TMEM179: variants seen among roughly 807,000 people sequenced by gnomAD.
TMEM179 encodes transmembrane protein 179.
TMEM179 carries 17 observed loss-of-function variants against 22.2 expected under a neutral mutation model. The observed-to-expected ratio is 0.77, with a 90% confidence interval of 0.52 to 1.15. TMEM179 has a LOEUF of 1.15. Among genes scored for constraint, TMEM179 ranks in the 50% most tolerant of loss-of-function variants. TMEM179 has a pLI of 0.00. For synonymous variants in TMEM179, 127 were observed against 140.5 expected (o/e 0.90, Z 0.68); for missense variants, 265 against 313.6 (o/e 0.84, Z 1.17).
At chr14:104,594,716 C>T in intron 3 of TMEM179, 2 of 1,165,076 alleles carry the variant, frequency 1.7e-6, no homozygotes, top group South Asian at 8.7e-5. Flanking sequence ...CTGCCTCCTT[C>T]CTTGGACTCT....
chr14:104,604,483 C>A lies in TMEM179; in HGVS notation c.259G>T (p.Ala87Ser), dbSNP rs1887352452. Residue 87 changes from alanine (A) to serine (S), a missense_variant, in exon 1 of 4, where the codon GCG becomes TCG. Ala to Ser is a moderately conservative substitution (Grantham distance 99, BLOSUM62 1). Transcript: ENST00000556573. The surrounding 1 kb of genome is among the most constrained non-coding windows in gnomAD (Gnocchi z 4.6). ...AAGAAGAGCGTGCGCCAGGCGTGCG[C>A]GGCGGCCAGCAGCAGAGACAGGAGG... ...ASLLSLLLAAAHAWRTLFFLC... is the reference protein window; with the variant it reads ...ASLLSLLLAASHAWRTLFFLC... 2 of 1,580,672 alleles carry A rather than the reference C, an allele frequency of 1.3e-6. No individual in the cohort carries two copies. Among genetic ancestry groups the A allele is most frequent in the Admixed American group, 1.8e-5 (1 of 56,406 alleles).
chr14:104,602,602 T>C (rs552535712), intron 1 of TMEM179, among the ~76,000 whole-genome samples: 1 of 152,262 alleles, frequency 6.6e-6, no homozygotes, highest in Admixed American at 6.5e-5. Context: ...AACTCTTGGG[T>C]TTGGCAACAT....
intron 1 of TMEM179, among the ~76,000 whole-genome samples, chr14:104,601,130 T>G (rs971050568): frequency 2.6e-5 from 4 of 152,184 alleles, no homozygotes; most frequent in South Asian, 2.1e-4. Context: ...GCTCACCTAG[T>G]CTATGCAGCT....
chr14:104,600,604 A>G (rs117996852), intron 1 of TMEM179, among the ~76,000 whole-genome samples: 3,360 of 152,262 alleles, frequency 0.022, 48 homozygotes, highest in Non-Finnish European at 0.034. Flanking sequence ...TCATTCATTC[A>G]TTCATTTACT....
At chr14:104,600,698 T>C (rs1379488416) in intron 1 of TMEM179, among the ~76,000 whole-genome samples, 1 of 152,210 alleles carries the variant, frequency 6.6e-6, no homozygotes, top group African/African-American at 2.4e-5. Flanking sequence ...TGCAAAAAGC[T>C]ACCCCCAGAC....
Position 104,604,369 on chromosome 14 carries a change from C to CG in TMEM179, c.305+67dup. ...AGACGGAGGGACTCGCGCGCCTCCC[C>CG]GGGGAGGTGGGTCTGGGGGCGCTGG... On this transcript the variant is annotated intron_variant, in intron 1 of 3. Coordinates refer to ENST00000556573, the MANE Select transcript of TMEM179 (RefSeq NM_001286389.2). This position sits in a 1 kb window ranked among gnomAD's most constrained non-coding sequence, Gnocchi z 4.6. 1 of 1,407,864 alleles carries CG rather than the reference C, an allele frequency of 7.1e-7. No individual in the cohort carries two copies. The highest frequency in any genetic ancestry group is 9.2e-7 in the Non-Finnish European group (1 of 1,085,584). The allele number at this position is 1,407,864 out of a possible 1,614,324, so 87.2% of individuals were successfully genotyped here.
intron 1 of TMEM179, among the ~76,000 whole-genome samples, chr14:104,602,900 CTTTG>C (rs1887287600): frequency 6.6e-6 from 1 of 152,218 alleles, no homozygotes; most frequent in Non-Finnish European, 1.5e-5. Context: ...GTGACTGTGA[CTTTG>C]TTTGGAAATA....
chr14:104,591,530 C>CCAGCTGGAAACT lies in TMEM179; in HGVS notation c.*1937_*1948dup, dbSNP rs1886845744. 1 of 397,404 alleles carries CCAGCTGGAAACT rather than the reference C, an allele frequency of 2.5e-6. No individual in the cohort carries two copies. Among genetic ancestry groups the CCAGCTGGAAACT allele is most frequent in the Non-Finnish European group, 5.0e-6 (1 of 199,558 alleles). The allele number at this position is 397,404 out of a possible 1,614,324, so 24.6% of individuals were successfully genotyped here. A position where few individuals can be genotyped will look rare whatever the true frequency, so the allele number is the denominator to read the frequency against. On this transcript the variant is annotated 3_prime_UTR_variant, in exon 4 of 4. Coordinates refer to ENST00000556573, the MANE Select transcript of TMEM179 (RefSeq NM_001286389.2). ...ACCCCTTCCCTCGAGGACCTGGCTG[C>CCAGCTGGAAACT]CAGCTGGAAACTCAGCTGGTCCCCA...
In TMEM179 at chr14:104,591,655, C is replaced by A. The variant is rs546143417; in HGVS notation, c.*1824G>T. Reference sequence around the variant, plus strand: ...TCACTCCCGGGACCCAGGATGATGCCCCCACCAGGACCCTCCATGTGGACC... The same window carrying A: ...TCACTCCCGGGACCCAGGATGATGCACCCACCAGGACCCTCCATGTGGACC... On this transcript the variant is annotated 3_prime_UTR_variant, in exon 4 of 4. Transcript: ENST00000556573. 4.1e-4 allele frequency: 140 copies of A among 341,196 alleles called. No homozygotes were observed. The East Asian group carries it at 5.8e-3, about 14-fold the overall frequency. 21.1% of individuals were successfully genotyped at this position (341,196 alleles called of 1,614,324 possible).
chr14:104,597,730 T>C lies in TMEM179; in HGVS notation c.306-603A>G, dbSNP rs117999220. On this transcript the variant is annotated intron_variant, in intron 1 of 3. Coordinates refer to ENST00000556573, the MANE Select transcript of TMEM179 (RefSeq NM_001286389.2). The surrounding 1 kb of genome is among the most constrained non-coding windows in gnomAD (Gnocchi z 4.8). ...CAGCCTGGATCGCAGACCTCTAGCC[T>C]CCGGAAGTGTGAGCAGTAAATGCCT... Among the ~76,000 whole-genome samples, 1,692 of 152,154 alleles carry C rather than the reference T, an allele frequency of 0.011. 29 individuals carry two copies. Among genetic ancestry groups the C allele is most frequent in the Admixed American group, 0.044 (675 of 15,284 alleles).
chr14:104,599,520 T>C (rs956237017), intron 1 of TMEM179, among the ~76,000 whole-genome samples: 3 of 152,160 alleles, frequency 2.0e-5, no homozygotes, highest in Admixed American at 6.5e-5. Context: ...GGGTGAGCCA[T>C]CTGCTGCTGC....
chr14:104,603,312 C>A (rs928055822), intron 1 of TMEM179, among the ~76,000 whole-genome samples: 1 of 152,044 alleles, frequency 6.6e-6, no homozygotes, highest in African/African-American at 2.4e-5. Context: ...CGCCCACACC[C>A]CTCTGAGCCC....
At chr14:104,594,810 C>T (rs1010355068) in intron 3 of TMEM179, 1 of 1,240,680 alleles carries the variant, frequency 8.1e-7, no homozygotes, top group African/African-American at 1.5e-5. Flanking sequence ...GCACCAAAGT[C>T]CAAAGCCCTT....
rs556020517 is a variant in TMEM179 at position 104,604,007 on chromosome 14, T to C, written c.305+430A>G. ...CCTTTCCCGGGGCGATGGTGCCGGG[T>C]GGGGCTCCCCAGTTCGCCTTGTCAC... is the stretch of plus-strand genomic sequence containing the variant. On this transcript the variant is annotated intron_variant, in intron 1 of 3. Coordinates refer to ENST00000556573, the MANE Select transcript of TMEM179 (RefSeq NM_001286389.2). The surrounding 1 kb of genome is among the most constrained non-coding windows in gnomAD (Gnocchi z 4.6). 3.3e-5 allele frequency among the ~76,000 whole-genome samples: 5 copies of C among 152,014 alleles called. No homozygotes were observed. The South Asian group carries it at 1.0e-3, about 32-fold the overall frequency.
chr14:104,597,036 T>C lies in TMEM179; in HGVS notation c.397A>G (p.Thr133Ala), dbSNP rs763351017. 1.2e-6 allele frequency: 2 copies of C among 1,610,014 alleles called. No homozygotes were observed. Among genetic ancestry groups the C allele is most frequent in the South Asian group, 2.2e-5 (2 of 90,334 alleles). Residue 133 changes from threonine to alanine, a missense_variant, in exon 2 of 4, where the codon ACC becomes GCC. Transcript: ENST00000556573. The surrounding 1 kb of genome is among the most constrained non-coding windows in gnomAD (Gnocchi z 4.8). ...TCGGTGATGGTGTCGCACCACATGGTGAAGCCCACGCTCACGATGGTGCTG... is the reference window on the plus strand; with the variant it reads ...TCGGTGATGGTGTCGCACCACATGGCGAAGCCCACGCTCACGATGGTGCTG... ...IASTIVSVGF[T>A]MWCDTITEKG...
rs1348686863 is a variant in TMEM179, at chr14:104,598,486, T to C, written c.306-1359A>G. On this transcript the variant is annotated intron_variant, in intron 1 of 3. Coordinates refer to ENST00000556573, the MANE Select transcript of TMEM179 (RefSeq NM_001286389.2). ...ACATCAACGCTACCGTCATCCGAAC[T>C]CGGCAGCTGCTGATGAGGCAAAGTG... Among the ~76,000 whole-genome samples the C allele has an allele frequency of 2.0e-5, 3 of 152,382 alleles. No individual in the cohort carries two copies. In the East Asian group the frequency reaches 5.8e-4, roughly 29 times the overall value.
chr14:104,603,532 G>A (rs1196758062), intron 1 of TMEM179, among the ~76,000 whole-genome samples: 2 of 147,190 alleles, frequency 1.4e-5, no homozygotes, highest in Non-Finnish European at 3.0e-5. Context: ...TTCACAGAGG[G>A]AGTGGGTGGG....
At position 104,597,950 on chromosome 14, in the gene TMEM179, TGAGG is replaced by T. The variant is rs1887095493; in HGVS notation, c.306-827_306-824del. Among the ~76,000 whole-genome samples the T allele has an allele frequency of 6.6e-6, 1 of 152,168 alleles. No homozygotes were observed. Among genetic ancestry groups the T allele is most frequent in the Non-Finnish European group, 1.5e-5 (1 of 68,016 alleles). On this transcript the variant is annotated intron_variant, in intron 1 of 3. Coordinates refer to ENST00000556573, the MANE Select transcript of TMEM179 (RefSeq NM_001286389.2). The surrounding 1 kb of genome is among the most constrained non-coding windows in gnomAD (Gnocchi z 4.8). ...ATGGGGAGCGCAGGAGGCAGGGCCA[TGAGG>T]AAGGAGCTCACTTAGGGCTGGGCCA...
In TMEM179 at chr14:104,604,388, G is replaced by A. The variant is rs781418876; in HGVS notation, c.305+49C>T. 2.9e-5 allele frequency: 42 copies of A among 1,441,284 alleles called. No individual in the cohort carries two copies. In the Admixed American group the frequency reaches 3.5e-4, roughly 12 times the overall value. The allele number at this position is 1,441,284 out of a possible 1,614,324, so 89.3% of individuals were successfully genotyped here. ...CCTCCCCGGGGAGGTGGGTCTGGGGGCGCTGGGGGCATGGAAGGGGCGCCG... is the reference window on the plus strand; with the variant it reads ...CCTCCCCGGGGAGGTGGGTCTGGGGACGCTGGGGGCATGGAAGGGGCGCCG... On this transcript the variant is annotated intron_variant, in intron 1 of 3. Coordinates refer to ENST00000556573, the MANE Select transcript of TMEM179 (RefSeq NM_001286389.2). The surrounding 1 kb of genome is among the most constrained non-coding windows in gnomAD (Gnocchi z 4.6).
Sources: allele counts gnomAD v4.1 joint callset (sites outside exome capture counted in the v4.1 genomes callset), GRCh38; gene constraint gnomAD v4.1.1; non-coding constraint Gnocchi (gnomAD v3.1); transcripts MANE v1.5; gene names NCBI Gene and HGNC (gene_info 2026-07-23, HGNC 2026-07-21).